The following GNAQ variants were observed in gnomAD, a reference collection of about 807,000 sequenced individuals.
GNAQ encodes guanine nucleotide-binding protein G(q) subunit alpha.
Under a neutral mutation model 43.9 loss-of-function variants are expected in GNAQ, and 8 were observed. The ratio of observed to expected loss-of-function variants is 0.18; its 90% CI spans 0.11 to 0.33. The LOEUF (loss-of-function observed/expected upper bound fraction) is 0.33, where lower values mean the gene tolerates loss of function less well. GNAQ is among the 10% of genes least tolerant of loss of function. The pLI, the probability that GNAQ is intolerant of heterozygous loss-of-function variation, is 1.00. For missense variants in GNAQ, 158 were observed against 450.8 expected (o/e 0.35, Z 5.88); for synonymous variants, 155 against 170.7 (o/e 0.91, Z 0.71).
At chr9:77,749,339 C>T (rs747092260) in intron 5 of GNAQ, among the ~76,000 whole-genome samples, 30 of 152,258 alleles carry the variant, frequency 2.0e-4, no homozygotes, top group Non-Finnish European at 3.7e-4. Context: ...ATTTCACCCC[C>T]GTGTACTCCT....
At chr9:77,814,263 G>A (rs1234528987) in intron 3 of GNAQ, among the ~76,000 whole-genome samples, 1 of 152,104 alleles carries the variant, frequency 6.6e-6, no homozygotes, top group African/African-American at 2.4e-5. Context: ...GGAACAAAGG[G>A]ACGAAGGACA....
chr9:77,986,504 T>G (rs2118509670), intron 1 of GNAQ, among the ~76,000 whole-genome samples: 1 of 152,162 alleles, frequency 6.6e-6, no homozygotes, highest in East Asian at 1.9e-4. Flanking sequence ...CTGTTAAGTT[T>G]CTGTTTGTTT....
intron 1 of GNAQ, among the ~76,000 whole-genome samples, chr9:77,995,289 G>GT (rs1291584208): frequency 6.6e-6 from 1 of 152,100 alleles, no homozygotes; most frequent in Non-Finnish European, 1.5e-5. Flanking sequence ...TTCTATGACC[G>GT]TAAGGTCCAC....
intron 1 of GNAQ, among the ~76,000 whole-genome samples, chr9:77,981,205 TG>T (rs1477376052): frequency 1.3e-5 from 2 of 152,214 alleles, no homozygotes; most frequent in African/African-American, 4.8e-5. Context: ...ATATTAAGCC[TG>T]CTTTGAATTT....
At chr9:78,008,868 C>T (rs142138203) in intron 1 of GNAQ, among the ~76,000 whole-genome samples, 1 of 152,200 alleles carries the variant, frequency 6.6e-6, no homozygotes, top group African/African-American at 2.4e-5. Flanking sequence ...CCGCCCACCT[C>T]GGCCTCCCAA....
intron 3 of GNAQ, among the ~76,000 whole-genome samples, chr9:77,814,122 C>T (rs969248298): frequency 3.3e-5 from 5 of 151,962 alleles, no homozygotes; most frequent in African/African-American, 9.7e-5. Flanking sequence ...AACAGAAGGA[C>T]AGAGGGGGCA....
chr9:77,861,273 T>C (rs889326777), intron 2 of GNAQ, among the ~76,000 whole-genome samples: 2 of 152,128 alleles, frequency 1.3e-5, no homozygotes, highest in Admixed American at 1.3e-4. Flanking sequence ...TTCAATTGCC[T>C]CCGGCCAGGT....
intron 1 of GNAQ, among the ~76,000 whole-genome samples, chr9:77,950,318 T>C (rs1336212134): frequency 6.6e-6 from 1 of 152,180 alleles, no homozygotes; most frequent in African/African-American, 2.4e-5. Context: ...TTAGTGCTGA[T>C]TCTTCCCTGA....
chr9:77,850,811 G>A (rs1827663368), intron 2 of GNAQ, among the ~76,000 whole-genome samples: 1 of 151,986 alleles, frequency 6.6e-6, no homozygotes, highest in African/African-American at 2.4e-5. Flanking sequence ...CGACTCAAAT[G>A]CCTCCTTTTC....
At chr9:77,959,414 T>C (rs979590332) in intron 1 of GNAQ, among the ~76,000 whole-genome samples, 2 of 152,236 alleles carry the variant, frequency 1.3e-5, no homozygotes, top group African/African-American at 2.4e-5. Flanking sequence ...GTGAAATTTA[T>C]TAGTAAATGT....
intron 5 of GNAQ, among the ~76,000 whole-genome samples, chr9:77,784,212 T>C (rs993812268): frequency 2.0e-5 from 3 of 152,180 alleles, no homozygotes; most frequent in Non-Finnish European, 4.4e-5. Flanking sequence ...CTATACAAAA[T>C]ACTTTTATGA....
At chr9:77,887,121 CTAAAATAAAATAAAG>C (rs66568827) in intron 2 of GNAQ, among the ~76,000 whole-genome samples, 18,444 of 151,306 alleles carry the variant, frequency 0.12, 1,247 homozygotes, top group East Asian at 0.24. Context: ...GACTCTGTCT[CTAAAATAAAATAAAG>C]TAAAATAAAA....
At chr9:77,935,259 T>C (rs900938890) in intron 1 of GNAQ, among the ~76,000 whole-genome samples, 1 of 152,190 alleles carries the variant, frequency 6.6e-6, no homozygotes, top group African/African-American at 2.4e-5. Flanking sequence ...AAATTCTCTC[T>C]TGGGGGGAAA....
At chr9:77,853,292 C>A (rs1290574414) in intron 2 of GNAQ, among the ~76,000 whole-genome samples, 1 of 152,032 alleles carries the variant, frequency 6.6e-6, no homozygotes, top group African/African-American at 2.4e-5. Flanking sequence ...CTTAGTTCCT[C>A]ATCTGAAAAT....
chr9:77,821,757 G>C (rs942177928), intron 2 of GNAQ, among the ~76,000 whole-genome samples: 1 of 150,504 alleles, frequency 6.6e-6, no homozygotes, highest in Non-Finnish European at 1.5e-5. Context: ...GTGTGTGTGT[G>C]TATGTATGTA....
At chr9:77,864,336 A>G (rs1827913978) in intron 2 of GNAQ, among the ~76,000 whole-genome samples, 1 of 152,206 alleles carries the variant, frequency 6.6e-6, no homozygotes, top group South Asian at 2.1e-4. Flanking sequence ...TTTCAACATG[A>G]GACTTGGCAA....
chr9:77,964,908 T>C (rs150158904), intron 1 of GNAQ, among the ~76,000 whole-genome samples: 135 of 152,236 alleles, frequency 8.9e-4, no homozygotes, highest in African/African-American at 3.1e-3. Context: ...TTCTCTAATA[T>C]ACTGGGCTTT....
At chr9:77,867,564 T>C (rs1827968023) in intron 2 of GNAQ, among the ~76,000 whole-genome samples, 1 of 152,166 alleles carries the variant, frequency 6.6e-6, no homozygotes, top group African/African-American at 2.4e-5. Context: ...TATACACTCA[T>C]CTGAAACAAA....
intron 5 of GNAQ, among the ~76,000 whole-genome samples, chr9:77,760,449 T>C (rs568865720): frequency 6.6e-6 from 1 of 152,216 alleles, no homozygotes; most frequent in East Asian, 1.9e-4. Flanking sequence ...CCGCGAGTGA[T>C]CCGCCAGCCT....
Sources: gnomAD v4.1 joint callset for allele counts (sites outside exome capture counted in the v4.1 genomes callset) on GRCh38, gnomAD v4.1.1 for gene constraint, MANE v1.5 for transcripts, NCBI Gene and HGNC (gene_info 2026-07-23, HGNC 2026-07-21) for gene names.